Variants in DENND2D observed in about 807,000 individuals in gnomAD.
DENND2D encodes the protein DENN domain-containing protein 2D.
DENND2D carries 37 observed loss-of-function variants against 59.8 expected under a neutral mutation model. The ratio of observed to expected loss-of-function variants is 0.62; its 90% CI spans 0.48 to 0.81. The LOEUF (loss-of-function observed/expected upper bound fraction) is 0.81, where lower values mean the gene tolerates loss of function less well. Among genes scored for constraint, DENND2D ranks in the 40% least tolerant of loss-of-function variants. The pLI is 0.00. For synonymous variants in DENND2D, 219 were observed against 211.3 expected, an observed-to-expected ratio of 1.04 and a Z score of -0.31; for missense variants, 525 against 579.7, an observed-to-expected ratio of 0.91 and a Z score of 0.97.
chr1:111,192,644 A>G (rs547755877), intron 7 of DENND2D, among the ~76,000 whole-genome samples: 2 of 152,246 alleles, frequency 1.3e-5, no homozygotes, highest in East Asian at 3.9e-4. Flanking sequence ...ATTCAAGGAG[A>G]TAATTGATTG....
At chr1:111,195,376 G>GAAGC (rs61269082) in intron 6 of DENND2D, 33,990 of 154,128 alleles carry the variant, frequency 0.22, 4,159 homozygotes, top group African/African-American at 0.33. Flanking sequence ...TTCCTGTGGG[G>GAAGC]AAGCCAAGGT....
upstream of DENND2D, among the ~76,000 whole-genome samples, chr1:111,203,989 G>T (rs1196334444): frequency 2.0e-5 from 3 of 152,168 alleles, no homozygotes; most frequent in Admixed American, 6.5e-5. Context: ...CACTGCGGTT[G>T]CACCACAAGC....
rs1023286553 is a variant in DENND2D, at chr1:111,196,034, C to G, written c.527G>C (p.Arg176Thr). 6.2e-7 allele frequency: 1 copy of G among 1,611,512 alleles called. No homozygotes were observed. Among genetic ancestry groups the G allele is most frequent in the Non-Finnish European group, 8.5e-7 (1 of 1,178,460 alleles). The change falls in exon 6 of 12, where the codon AGA (arginine) becomes ACA (threonine). Residue 176 changes from arginine (R) to threonine (T), a missense_variant. Around this residue, in one of 3 missense-constraint regions of DENND2D, gnomAD observed 253 missense variants for 246.4 expected, o/e 1.03. Transcript: ENST00000357640. ...GATGACAGCCATGGAGATCTGATGTCTCTTCTCCACTTCATCCAGGATCTG... is the reference window on the plus strand; with the variant it reads ...GATGACAGCCATGGAGATCTGATGTGTCTTCTCCACTTCATCCAGGATCTG... ...FSKILDEVEK[R>T]HQISMAVIYP...
At chr1:111,196,101 A>G (rs759653487) in intron 5 of DENND2D, 45 bp from the exon 6 acceptor site, 2 of 1,557,434 alleles carry the variant, frequency 1.3e-6, no homozygotes, top group Non-Finnish European at 1.7e-6. Context: ...AAGGGACACT[A>G]CCAGGCAGGT....
intron 4 of DENND2D, chr1:111,197,703 G>A: frequency 7.1e-7 from 1 of 1,416,514 alleles, no homozygotes; most frequent in Non-Finnish European, 9.2e-7. Flanking sequence ...AGAGAGCACA[G>A]ACCAGAGCCT....
At chr1:111,196,244 TCTGCAG>T in intron 5 of DENND2D, 188 bp from the exon 6 acceptor site, 1 of 605,080 alleles carries the variant, frequency 1.7e-6, no homozygotes, top group Non-Finnish European at 2.7e-6. Context: ...TGCTAAATAA[TCTGCAG>T]TTTATCTCCC....
rs375540873 is a variant in DENND2D at position 111,188,295 on chromosome 1, G to T, written c.1175C>A (p.Ser392Tyr). 2.5e-6 allele frequency: 4 copies of T among 1,614,190 alleles called. No individual in the cohort carries two copies. Among genetic ancestry groups the T allele is most frequent in the Middle Eastern group, 1.7e-4 (1 of 6,046 alleles). The change falls in exon 11 of 12, where the codon TCC (serine) becomes TAC (tyrosine). Residue 392 changes from serine to tyrosine, a missense_variant. Physicochemically the swap from Ser to Tyr is moderately radical, Grantham distance 144. Coordinates refer to ENST00000357640, the MANE Select transcript of DENND2D (RefSeq NM_024901.5). ...CCCATTTGCCTCCCGCTTGATATAGGAAGCATAATGGCCCACAATCTTGAC... is the reference window on the plus strand; with the variant it reads ...CCCATTTGCCTCCCGCTTGATATAGTAAGCATAATGGCCCACAATCTTGAC... The part of the protein sequence containing the change: ...FFVKIVGHYA[S>Y]YIKREANGQG...
At chr1:111,204,451 G>T, upstream of DENND2D, 1 of 1,203,768 alleles carries the variant, frequency 8.3e-7, no homozygotes, top group Non-Finnish European at 1.1e-6. Context: ...TTCACGCGGG[G>T]GGAGGCCTAG....
chr1:111,202,597 G>A (rs1403656426), upstream of DENND2D, among the ~76,000 whole-genome samples: 1 of 151,864 alleles, frequency 6.6e-6, no homozygotes, highest in East Asian at 1.9e-4. Flanking sequence ...CATAGGTGAG[G>A]GGACCTTCTG....
chr1:111,191,836 T>C (rs1352802830), intron 8 of DENND2D, among the ~76,000 whole-genome samples: 1 of 152,132 alleles, frequency 6.6e-6, no homozygotes, highest in Non-Finnish European at 1.5e-5. Context: ...CACAGAACAG[T>C]CTGCTCACCC....
At chr1:111,197,584 G>C in intron 4 of DENND2D, 1 of 1,353,234 alleles carries the variant, frequency 7.4e-7, no homozygotes, top group South Asian at 1.7e-5. Flanking sequence ...CCTAAGATTT[G>C]AAACTAATTG....
chr1:111,200,196 C>A (rs1658662276), intron 1 of DENND2D, 197 bp downstream of exon 1: 1 of 666,232 alleles, frequency 1.5e-6, no homozygotes. Flanking sequence ...GGGCATGTGA[C>A]TGTGACCACA....
chr1:111,204,205 G>C, upstream of DENND2D: 1 of 1,310,766 alleles, frequency 7.6e-7, no homozygotes, highest in East Asian at 3.1e-5. Context: ...GACGCCCCGT[G>C]CCGCCCTCCA....
In DENND2D at chr1:111,198,720, T is replaced by C. The variant is rs1481047688; in HGVS notation, c.266A>G (p.Gln89Arg). Residue 89 changes from glutamine (Q) to arginine (R), a missense_variant, in exon 3 of 12, where the codon CAG becomes CGG. Gln to Arg is a conservative substitution (Grantham distance 43). Coordinates refer to ENST00000357640, the MANE Select transcript of DENND2D (RefSeq NM_024901.5). ...FPKRENLLRG[Q>R]QEEEERLLKA... ...GAGCAGCCGCTCCTCCTCCTCCTGCTGACCCCGAAGCAGGTTCTCCCGCTA... is the reference window on the plus strand; with the variant it reads ...GAGCAGCCGCTCCTCCTCCTCCTGCCGACCCCGAAGCAGGTTCTCCCGCTA... The C allele has an allele frequency of 1.2e-6, 2 of 1,614,194 alleles. No individual in the cohort carries two copies. Among genetic ancestry groups the C allele is most frequent in the South Asian group, 1.1e-5 (1 of 91,086 alleles).
chr1:111,189,201 C>T lies in DENND2D; in HGVS notation c.1014+11G>A. The stretch of plus-strand genomic sequence containing the variant: ...GATAGGCCTGCAGGGGATCTGAACC[C>T]AGACACTTACCGACATTAAGAAGGT... On this transcript the variant is annotated intron_variant, in intron 9 of 11. Transcript: ENST00000357640. 6.2e-7 allele frequency: 1 copy of T among 1,614,108 alleles called. No homozygotes were observed. The highest frequency in any genetic ancestry group is 1.1e-5 in the South Asian group (1 of 91,068).
intron 6 of DENND2D, 104 bp from the exon 7 acceptor site, chr1:111,194,830 G>T (rs961126787): frequency 3.8e-6 from 5 of 1,316,534 alleles, no homozygotes; most frequent in Non-Finnish European, 5.3e-6. Flanking sequence ...GCCCCCAGGA[G>T]TGAATCTGGC....
upstream of DENND2D, among the ~76,000 whole-genome samples, chr1:111,203,669 A>G (rs1002445822): frequency 4.6e-5 from 7 of 152,234 alleles, no homozygotes; most frequent in Non-Finnish European, 1.5e-5. Context: ...GCTGAGGGAA[A>G]GGGAAGGGGT....
rs746714015 is a variant in DENND2D, at chr1:111,195,944, T to C, written c.617A>G (p.Lys206Arg). 13 of 1,614,002 alleles carry C rather than the reference T, an allele frequency of 8.1e-6. No homozygotes were observed. In the African/African-American group the frequency reaches 1.7e-4, roughly 22 times the overall value. The change falls in exon 6 of 12, where the codon AAG becomes AGG. Residue 206 changes from lysine to arginine, a missense_variant. This residue lies in a region of DENND2D where 47 missense variants were observed against 80.9 expected (regional missense o/e 0.58). Coordinates refer to ENST00000357640, the MANE Select transcript of DENND2D (RefSeq NM_024901.5). ...AGTGCCTGAGTCGGGGATGAAGCTC[T>C]TGAGAGTGACAGTCTTCCCAGGAGC... ...FPAPGKTVTL[K>R]SFIPDSGTEF...
chr1:111,204,287 G>A (rs1018670178), upstream of DENND2D: 10 of 1,473,164 alleles, frequency 6.8e-6, no homozygotes, highest in Non-Finnish European at 8.0e-6. Flanking sequence ...CTCCCCGGCC[G>A]GCACTAACCC....
Sources: gnomAD v4.1 joint callset for allele counts (sites outside exome capture counted in the v4.1 genomes callset) on GRCh38, gnomAD v4.1.1 for gene constraint, gnomAD v4.1.1 regional missense constraint, MANE v1.5 for transcripts, NCBI Gene and HGNC (gene_info 2026-07-23, HGNC 2026-07-21) for gene names.